GRIA2: variants seen among roughly 807,000 people sequenced by gnomAD.
GRIA2 encodes glutamate ionotropic receptor AMPA type subunit 2, also known as glutamate receptor 2.
Under a neutral mutation model 97.3 loss-of-function variants are expected in GRIA2, and 14 were observed. The ratio of observed to expected loss-of-function variants is 0.14; its 90% CI spans 0.10 to 0.23. The LOEUF (loss-of-function observed/expected upper bound fraction) is 0.23, where lower values mean the gene tolerates loss of function less well. Among genes scored for constraint, GRIA2 ranks in the 10% least tolerant of loss-of-function variants. The pLI is 1.00. For missense variants in GRIA2, 558 were observed against 1,069.8 expected (o/e 0.52, Z 6.67); for synonymous variants, 412 against 387.8 (o/e 1.06, Z -0.73).
intron 12 of GRIA2, among the ~76,000 whole-genome samples, chr4:157,344,062 G>A (rs932876355): frequency 1.3e-5 from 2 of 151,950 alleles, no homozygotes; most frequent in Non-Finnish European, 2.9e-5. Flanking sequence ...TTAGTATAGG[G>A]AAATTGAATA....
chr4:157,253,956 A>G (rs879344741), intron 2 of GRIA2, among the ~76,000 whole-genome samples: 1 of 152,074 alleles, frequency 6.6e-6, no homozygotes, highest in East Asian at 1.9e-4. Context: ...CTTTTTCGTC[A>G]AAGAGTAGAC....
intron 2 of GRIA2, among the ~76,000 whole-genome samples, chr4:157,239,974 AT>A (rs1252644910): frequency 5.3e-5 from 8 of 152,050 alleles, no homozygotes; most frequent in African/African-American, 1.9e-4. Context: ...TGCAAACTAG[AT>A]TGGCTTCTCT....
intron 3 of GRIA2, among the ~76,000 whole-genome samples, chr4:157,310,647 ATTAT>A (rs1238945295): frequency 6.6e-6 from 1 of 152,014 alleles, no homozygotes; most frequent in Non-Finnish European, 1.5e-5. Flanking sequence ...TGGTAATAGT[ATTAT>A]TATACCTAGA....
At chr4:157,358,380 T>C (rs1384081757) in intron 12 of GRIA2, among the ~76,000 whole-genome samples, 1 of 152,234 alleles carries the variant, frequency 6.6e-6, no homozygotes, top group East Asian at 1.9e-4. Context: ...CTAGTAAAAT[T>C]TTCACTCTCA....
intron 2 of GRIA2, among the ~76,000 whole-genome samples, chr4:157,245,956 T>G (rs1014952262): frequency 1.3e-5 from 2 of 152,106 alleles, no homozygotes; most frequent in Non-Finnish European, 2.9e-5. Context: ...ATGTTTCCTC[T>G]GGTTTATTTT....
chr4:157,309,238 C>CAAAATATT (rs1733967215), intron 3 of GRIA2, among the ~76,000 whole-genome samples: 1 of 150,938 alleles, frequency 6.6e-6, no homozygotes, highest in South Asian at 2.1e-4. Context: ...CCATAGGTTA[C>CAAAATATT]AAAATATTAA....
rs1242581945 is a variant in GRIA2 at position 157,312,808 on chromosome 4, A to G, written c.599A>G (p.Glu200Gly). ...EMYRSLFQDL[E>G]LKKERRVILD... ...TACCGATCACTTTTTCAAGATCTGG[A>G]GTTAAAAAAGGAACGGCGTGTAATT... is the stretch of plus-strand genomic sequence containing the variant. Residue 200 changes from glutamate to glycine, a missense_variant, in exon 4 of 16, where the codon GAG (glutamate) becomes GGG (glycine). This residue lies in a region of GRIA2 where 173 missense variants were observed against 209.1 expected (regional missense o/e 0.83). Coordinates refer to ENST00000264426, the MANE Select transcript of GRIA2 (RefSeq NM_001083619.3). 6.2e-7 allele frequency: 1 copy of G among 1,611,068 alleles called. No individual in the cohort carries two copies. The highest frequency in any genetic ancestry group is 8.5e-7 in the Non-Finnish European group (1 of 1,177,688).
At chr4:157,355,706 GTATATATTTATTTATATATTTATT>G (rs1241767971) in intron 12 of GRIA2, among the ~76,000 whole-genome samples, 32 of 92,016 alleles carry the variant, frequency 3.5e-4, no homozygotes, top group African/African-American at 1.3e-3. Flanking sequence ...ATATATATTT[GTATATATTTATTTATATATTTATT>G]TATATATTTA....
chr4:157,326,960 C>T (rs1434091563), intron 6 of GRIA2, among the ~76,000 whole-genome samples: 2 of 152,098 alleles, frequency 1.3e-5, no homozygotes, highest in South Asian at 4.1e-4. Context: ...TGGAAGATAT[C>T]ACAGTCAGAC....
intron 12 of GRIA2, chr4:157,342,164 T>C (rs1172549154): frequency 1.0e-6 from 1 of 958,136 alleles, no homozygotes; most frequent in African/African-American, 1.8e-5. Flanking sequence ...CTGATTAACT[T>C]AGGTCTGAAG....
chr4:157,321,980 C>T (rs955720788), intron 6 of GRIA2, among the ~76,000 whole-genome samples: 1 of 151,924 alleles, frequency 6.6e-6, no homozygotes, highest in African/African-American at 2.4e-5. Flanking sequence ...CAGAAGAATG[C>T]CACGAGGGAA....
chr4:157,310,580 A>C (rs1469964055), intron 3 of GRIA2, among the ~76,000 whole-genome samples: 1 of 151,822 alleles, frequency 6.6e-6, no homozygotes, highest in Non-Finnish European at 1.5e-5. Context: ...CTGCCATCTC[A>C]TCTGTAAATA....
intron 12 of GRIA2, among the ~76,000 whole-genome samples, chr4:157,347,343 T>A (rs911252904): frequency 6.6e-6 from 1 of 152,200 alleles, no homozygotes; most frequent in Non-Finnish European, 1.5e-5. Context: ...TGCAATTGTG[T>A]CTTTTAAAGA....
chr4:157,285,610 A>C (rs1440819101), intron 2 of GRIA2, among the ~76,000 whole-genome samples: 1 of 149,632 alleles, frequency 6.7e-6, no homozygotes, highest in African/African-American at 2.4e-5. Context: ...ATGGTTAATA[A>C]ATTTCCTCAA....
At chr4:157,355,634 A>ATATATATTTATTTT (rs1560780589) in intron 12 of GRIA2, among the ~76,000 whole-genome samples, 3 of 135,186 alleles carry the variant, frequency 2.2e-5, no homozygotes, top group East Asian at 2.1e-4. Flanking sequence ...ATATTTATTT[A>ATATATATTTATTTT]TATATATTTA....
At chr4:157,330,197 T>C (rs769828468) in intron 6 of GRIA2, among the ~76,000 whole-genome samples, 4 of 151,956 alleles carry the variant, frequency 2.6e-5, no homozygotes, top group African/African-American at 4.8e-5. Context: ...AATAATACTT[T>C]AGTTCACTTG....
At chr4:157,310,957 G>C (rs1734056336) in intron 3 of GRIA2, among the ~76,000 whole-genome samples, 1 of 151,882 alleles carries the variant, frequency 6.6e-6, no homozygotes, top group Non-Finnish European at 1.5e-5. Flanking sequence ...AAAATAGGTG[G>C]GTTGAATATT....
intron 12 of GRIA2, among the ~76,000 whole-genome samples, chr4:157,352,737 AAC>A (rs1553958247): frequency 6.7e-6 from 1 of 150,126 alleles, no homozygotes; most frequent in African/African-American, 2.5e-5. Flanking sequence ...AAAAAAAAAA[AAC>A]ACACACAACA....
chr4:157,281,645 A>G (rs1732601901), intron 2 of GRIA2, among the ~76,000 whole-genome samples: 1 of 151,670 alleles, frequency 6.6e-6, no homozygotes, highest in Admixed American at 6.6e-5. Context: ...TATATTTTGT[A>G]AAACTCTCTC....
Sources: gnomAD v4.1 joint callset for allele counts (sites outside exome capture counted in the v4.1 genomes callset) on GRCh38, gnomAD v4.1.1 for gene constraint, gnomAD v4.1.1 regional missense constraint, MANE v1.5 for transcripts, NCBI Gene and HGNC (gene_info 2026-07-23, HGNC 2026-07-21) for gene names.